CNTN4: variants seen among roughly 807,000 people sequenced by gnomAD.
CNTN4 encodes contactin 4.
In CNTN4, 77 loss-of-function variants were observed where a neutral mutation model predicts 122.5. The ratio of observed to expected loss-of-function variants is 0.63; its 90% CI spans 0.52 to 0.76. CNTN4 has a LOEUF of 0.76. CNTN4 is among the 30% of genes least tolerant of loss of function. The pLI is 0.00. For missense variants in CNTN4, 1,256 were observed against 1,259.1 expected, an observed-to-expected ratio of 1.00 and a Z score of 0.04; for synonymous variants, 512 against 447.0, an observed-to-expected ratio of 1.15 and a Z score of -1.83.
chr3:3,013,842 T>G (rs138497068), intron 14 of CNTN4, among the ~76,000 whole-genome samples: 148 of 152,284 alleles, frequency 9.7e-4, no homozygotes, highest in Middle Eastern at 3.4e-3. Flanking sequence ...CTGTTCACTC[T>G]TGCACTGCAG....
Position 2,294,107 on chromosome 3 carries a change from A to G in CNTN4, c.-144-45071A>G, listed in dbSNP as rs911127802. On this transcript the variant is annotated intron_variant, in intron 2 of 24. Transcript: ENST00000418658. ...TGGTGGTGAGGCAGGCCAAACTGTAAAGAGCAAAGAGCAGAAGCAAGGTCT... is the reference window on the plus strand; with the variant it reads ...TGGTGGTGAGGCAGGCCAAACTGTAGAGAGCAAAGAGCAGAAGCAAGGTCT... 3.9e-5 allele frequency among the ~76,000 whole-genome samples: 6 copies of G among 152,180 alleles called. 1 individual carries two copies. Among genetic ancestry groups the G allele is most frequent in the African/African-American group, 1.4e-4 (6 of 41,432 alleles).
chr3:2,234,408 C>T (rs1287097961), intron 2 of CNTN4, among the ~76,000 whole-genome samples: 5 of 147,616 alleles, frequency 3.4e-5, no homozygotes, highest in Non-Finnish European at 6.0e-5. Context: ...GTTTTCATTG[C>T]GTCTGGCTAA....
intron 3 of CNTN4, among the ~76,000 whole-genome samples, chr3:2,345,591 T>C (rs1185574533): frequency 1.3e-5 from 2 of 152,174 alleles, no homozygotes; most frequent in African/African-American, 2.4e-5. Context: ...TGCCAGAACA[T>C]GTATTAGGAC....
intron 4 of CNTN4, chr3:2,735,968 G>T (rs181130113): frequency 3.1e-5 from 19 of 608,992 alleles, no homozygotes; most frequent in Middle Eastern, 2.7e-4. Flanking sequence ...AGCAGCCTGC[G>T]CCTGGAAGTT....
intron 4 of CNTN4, among the ~76,000 whole-genome samples, chr3:2,646,852 A>G (rs1443427950): frequency 1.3e-5 from 2 of 152,112 alleles, no homozygotes; most frequent in Non-Finnish European, 1.5e-5. Flanking sequence ...CAGCAGTCAG[A>G]TTGGGTTAAA....
chr3:2,852,671 C>T (rs531127931), intron 7 of CNTN4, among the ~76,000 whole-genome samples: 2 of 152,272 alleles, frequency 1.3e-5, no homozygotes, highest in East Asian at 1.9e-4. Context: ...TGTTAAGTAA[C>T]TTTCCATGCT....
intron 2 of CNTN4, among the ~76,000 whole-genome samples, chr3:2,218,407 C>T (rs977088395): frequency 1.3e-5 from 2 of 152,158 alleles, no homozygotes; most frequent in African/African-American, 2.4e-5. Flanking sequence ...GTAGTCCCAG[C>T]TACTCGGGAG....
Position 2,533,478 on chromosome 3 carries a change from G to T in CNTN4, c.-88-37938G>T, listed in dbSNP as rs1198775722. ...GGACATGAACTCATCCTTTTTTATG[G>T]CTGCATAGTATTCCATAGGGTGTAT... On this transcript the variant is annotated intron_variant, in intron 3 of 24. Coordinates refer to ENST00000418658, the MANE Select transcript of CNTN4 (RefSeq NM_175607.3). Among the ~76,000 whole-genome samples, 4 of 133,018 alleles carry T rather than the reference G, an allele frequency of 3.0e-5. No homozygotes were observed. The East Asian group carries it at 9.3e-4, about 31-fold the overall frequency. 87.3% of individuals were successfully genotyped at this position (133,018 alleles called of 152,430 possible).
At chr3:2,103,687 TTTTCC>T in intron 2 of CNTN4, among the ~76,000 whole-genome samples, 1 of 152,170 alleles carries the variant, frequency 6.6e-6, no homozygotes, top group East Asian at 1.9e-4. Context: ...AACCCTCTTC[TTTTCC>T]TATGAGCTTT....
intron 7 of CNTN4, among the ~76,000 whole-genome samples, chr3:2,834,448 C>G (rs1009083971): frequency 6.6e-6 from 1 of 152,024 alleles, no homozygotes; most frequent in South Asian, 2.1e-4. Context: ...TGTTTGTAAT[C>G]CCAGCTACTT....
chr3:2,812,403 T>TG (rs2092634051), intron 6 of CNTN4, among the ~76,000 whole-genome samples: 2 of 120,330 alleles, frequency 1.7e-5, no homozygotes, highest in African/African-American at 7.2e-5. Flanking sequence ...ATCCAGGGTA[T>TG]AGTGCGTATA....
chr3:3,034,600 G>T, intron 16 of CNTN4, 32 bp from the exon 17 acceptor site: 1 of 1,611,692 alleles, frequency 6.2e-7, no homozygotes, highest in South Asian at 1.1e-5. Flanking sequence ...TGAATACACT[G>T]CTCCAATTCT....
At chr3:2,507,351 T>C (rs2149045027) in intron 3 of CNTN4, among the ~76,000 whole-genome samples, 1 of 152,032 alleles carries the variant, frequency 6.6e-6, no homozygotes, top group African/African-American at 2.4e-5. Flanking sequence ...TTTTAAACTG[T>C]CTTTGTTGGA....
rs1379986727 is a variant in CNTN4, at chr3:2,533,949, ATGG to A, written c.-88-37465_-88-37463del. On this transcript the variant is annotated intron_variant, in intron 3 of 24. Transcript: ENST00000418658. ...GTTCATATCCTTTGCCCACTTTTTG[ATGG>A]TTTTTTTTTTTCTTGTAAATTTGTT... 3.6e-5 allele frequency among the ~76,000 whole-genome samples: 5 copies of A among 140,130 alleles called. No individual in the cohort carries two copies. In the South Asian group the frequency reaches 7.9e-4, roughly 22 times the overall value. The allele number at this position is 140,130 out of a possible 152,430, so 91.9% of individuals were successfully genotyped here. A position where few individuals can be genotyped will look rare whatever the true frequency, so the allele number is the denominator to read the frequency against.
chr3:2,504,170 A>C (rs2149024695), intron 3 of CNTN4, among the ~76,000 whole-genome samples: 1 of 152,266 alleles, frequency 6.6e-6, no homozygotes, highest in Non-Finnish European at 1.5e-5. Flanking sequence ...TAATCTGAGA[A>C]GTGTAGTATT....
chr3:2,104,115 G>A (rs1250525072), intron 2 of CNTN4, among the ~76,000 whole-genome samples: 1 of 152,010 alleles, frequency 6.6e-6, no homozygotes, highest in Non-Finnish European at 1.5e-5. Flanking sequence ...TTTCCCAGAA[G>A]CCCCTGTTCA....
chr3:2,854,365 C>A (rs1240406489), intron 7 of CNTN4, among the ~76,000 whole-genome samples: 24 of 149,380 alleles, frequency 1.6e-4, no homozygotes, highest in Non-Finnish European at 3.4e-4. Context: ...CTTCACCTCC[C>A]CGGTTCAAGA....
At chr3:2,379,442 T>G (rs1198722537) in intron 3 of CNTN4, among the ~76,000 whole-genome samples, 1 of 152,154 alleles carries the variant, frequency 6.6e-6, no homozygotes, top group Admixed American at 6.5e-5. Flanking sequence ...ATAGATAACT[T>G]TATTAATTGA....
intron 4 of CNTN4, among the ~76,000 whole-genome samples, chr3:2,716,380 T>A (rs2087499979): frequency 6.6e-6 from 1 of 151,664 alleles, no homozygotes; most frequent in Admixed American, 6.6e-5. Context: ...AAGATTGTTT[T>A]AAGGATTAAG....
Sources: gnomAD v4.1 joint callset for allele counts (sites outside exome capture counted in the v4.1 genomes callset) on GRCh38, gnomAD v4.1.1 for gene constraint, MANE v1.5 for transcripts, NCBI Gene and HGNC (gene_info 2026-07-23, HGNC 2026-07-21) for gene names.